CCDC138: variants seen among roughly 807,000 people sequenced by gnomAD.
CCDC138 encodes coiled-coil domain containing 138, also known as coiled-coil domain-containing protein 138.
CCDC138 carries 66 observed loss-of-function variants against 82.3 expected under a neutral mutation model. The observed-to-expected ratio is 0.80, with a 90% CI of 0.66 to 0.98. The LOEUF (loss-of-function observed/expected upper bound fraction) is 0.98, where lower values mean the gene tolerates loss of function less well. CCDC138 is among the 50% of genes least tolerant of loss of function. The pLI is 0.00. For synonymous variants in CCDC138, 297 were observed against 265.4 expected, an observed-to-expected ratio of 1.12 and a Z score of -1.16; for missense variants, 816 against 758.9, an observed-to-expected ratio of 1.08 and a Z score of -0.88.
chr2:108,854,583 T>C lies in CCDC138; in HGVS notation c.1517-2211T>C, dbSNP rs141748025. 1.4e-3 allele frequency among the ~76,000 whole-genome samples: 218 copies of C among 152,306 alleles called. 1 individual carries two copies. The highest frequency in any genetic ancestry group is 6.8e-3 in the Middle Eastern group (2 of 294). On this transcript the variant is annotated intron_variant, in intron 12 of 14. Transcript: ENST00000295124. ...AGGTCTGTTAGACTACATTAGTTGT[T>C]TATTCCTGCTTAATAAACTTCCAGA...
intron 13 of CCDC138, among the ~76,000 whole-genome samples, chr2:108,865,878 G>A (rs1694333725): frequency 6.6e-6 from 1 of 152,144 alleles, no homozygotes; most frequent in Admixed American, 6.5e-5. Flanking sequence ...GAGTTTGTTG[G>A]GTTCTGTCAG....
At chr2:108,868,755 A>C (rs1694800130) in intron 13 of CCDC138, among the ~76,000 whole-genome samples, 1 of 152,166 alleles carries the variant, frequency 6.6e-6, no homozygotes, top group Non-Finnish European at 1.5e-5. Context: ...TTTGACCATG[A>C]CACATAAAAA....
intron 2 of CCDC138, 101 bp from the exon 3 acceptor site, chr2:108,788,751 A>G (rs571519106): frequency 1.6e-4 from 235 of 1,460,180 alleles, no homozygotes; most frequent in Admixed American, 6.3e-4. Flanking sequence ...AATTTGAGAG[A>G]GAAGATTTTA....
intron 13 of CCDC138, among the ~76,000 whole-genome samples, chr2:108,863,685 TATC>T (rs768115434): frequency 6.6e-6 from 1 of 152,250 alleles, no homozygotes; most frequent in Non-Finnish European, 1.5e-5. Context: ...TTGTTATGTT[TATC>T]ATCATTATTT....
chr2:108,859,437 A>G (rs1693196797), intron 13 of CCDC138, among the ~76,000 whole-genome samples: 1 of 151,964 alleles, frequency 6.6e-6, no homozygotes, highest in Non-Finnish European at 1.5e-5. Flanking sequence ...TTTTTATTGC[A>G]TTTGCTTTTG....
At chr2:108,850,001 T>C (rs1252685595) in intron 12 of CCDC138, among the ~76,000 whole-genome samples, 1 of 152,064 alleles carries the variant, frequency 6.6e-6, no homozygotes, top group East Asian at 1.9e-4. Flanking sequence ...TGAATACAAG[T>C]GTAAAAGGGG....
chr2:108,856,957 G>A lies in CCDC138; in HGVS notation c.1680G>A (p.Met560Ile). The change falls in exon 13 of 15, where the codon ATG becomes ATA. Residue 560 changes from methionine to isoleucine, a missense_variant. Physicochemically the swap from Met to Ile is conservative, Grantham distance 10 (BLOSUM62 1). Coordinates refer to ENST00000295124, the MANE Select transcript of CCDC138 (RefSeq NM_144978.3). The stretch of plus-strand genomic sequence containing the variant: ...ATGTTATTGATAGTTTGCTCCAGAT[G>A]ACGGTGGAATCTAGTAAGTTTTTAA... ...LSNVIDSLLQ[M>I]TVESKSLQPF... is the part of the protein sequence containing the mutation. The A allele has an allele frequency of 5.7e-6, 9 of 1,590,364 alleles. No individual in the cohort carries two copies. The highest frequency in any genetic ancestry group is 7.7e-6 in the Non-Finnish European group (9 of 1,167,786).
intron 12 of CCDC138, among the ~76,000 whole-genome samples, chr2:108,847,739 T>C (rs1329063243): frequency 4.6e-5 from 7 of 152,236 alleles, no homozygotes; most frequent in Non-Finnish European, 7.3e-5. Flanking sequence ...TTGTTGTTTT[T>C]ATTAATGGGC....
At position 108,837,282 on chromosome 2, in the gene CCDC138, A is replaced by G. The variant is rs938005074; in HGVS notation, c.1207-1903A>G. Among the ~76,000 whole-genome samples, 8 of 152,142 alleles carry G rather than the reference A, an allele frequency of 5.3e-5. No individual in the cohort carries two copies. The South Asian group carries it at 8.3e-4, about 16-fold the overall frequency. On this transcript the variant is annotated intron_variant, in intron 10 of 14. Transcript: ENST00000295124. ...CTTGTTCAGTGCTTTTTCTTTGTCA[A>G]TTGAAATAATCGTGTGGGTTTTGTC...
chr2:108,796,111 C>T (rs1680827424), intron 5 of CCDC138, among the ~76,000 whole-genome samples: 3 of 152,116 alleles, frequency 2.0e-5, no homozygotes, highest in African/African-American at 4.8e-5. Flanking sequence ...TGCAGTGGCG[C>T]AATCTCGGCT....
chr2:108,791,378 A>C (rs1347521781), intron 3 of CCDC138, among the ~76,000 whole-genome samples: 1 of 152,206 alleles, frequency 6.6e-6, no homozygotes, highest in African/African-American at 2.4e-5. Context: ...TATAGATAAC[A>C]GATTATTGGG....
At chr2:108,882,520 T>C (rs1696321080) in intron 1 of CCDC138, 1 of 152,240 alleles carries the variant, frequency 6.6e-6, no homozygotes, top group Admixed American at 6.5e-5. Context: ...AGGGCGTTAC[T>C]TGGCAAAGCA....
intron 9 of CCDC138, among the ~76,000 whole-genome samples, chr2:108,814,165 G>A (rs1393441220): frequency 6.6e-6 from 1 of 152,166 alleles, no homozygotes; most frequent in African/African-American, 2.4e-5. Flanking sequence ...TTAAGAAACT[G>A]ACAGTTTTCC....
chr2:108,814,624 G>C (rs890529660), intron 9 of CCDC138, among the ~76,000 whole-genome samples: 15 of 149,696 alleles, frequency 1.0e-4, no homozygotes, highest in African/African-American at 3.7e-4. Flanking sequence ...ATATTTCTCT[G>C]TCTTTGAATT....
At chr2:108,812,584 C>T in intron 7 of CCDC138, 47 bp from the exon 8 acceptor site, 2 of 1,388,920 alleles carry the variant, frequency 1.4e-6, no homozygotes, top group Non-Finnish European at 2.0e-6. Context: ...TAGTATGAAA[C>T]CAGTTGAAGG....
At chr2:108,833,751 G>A (rs1178655369) in intron 10 of CCDC138, among the ~76,000 whole-genome samples, 3 of 148,034 alleles carry the variant, frequency 2.0e-5, no homozygotes, top group African/African-American at 2.5e-5. Context: ...TTTTTGAGAC[G>A]GAGTCTTGCT....
chr2:108,809,412 A>G (rs928790199), intron 7 of CCDC138, among the ~76,000 whole-genome samples: 1 of 150,764 alleles, frequency 6.6e-6, no homozygotes, highest in African/African-American at 2.4e-5. Context: ...GGTTATTTTG[A>G]CAGTATTAAT....
At chr2:108,878,965 T>C (rs1425352112), downstream of CCDC138, among the ~76,000 whole-genome samples, 1 of 152,158 alleles carries the variant, frequency 6.6e-6, no homozygotes, top group Admixed American at 6.5e-5. Flanking sequence ...AAAAATAGAA[T>C]GACAGGAATG....
intron 6 of CCDC138, among the ~76,000 whole-genome samples, chr2:108,800,396 C>G (rs188353804): frequency 9.9e-4 from 150 of 152,060 alleles, no homozygotes; most frequent in African/African-American, 3.4e-3. Context: ...TCCTGAGTAG[C>G]TGGGAATACA....
Sources: allele counts gnomAD v4.1 joint callset (sites outside exome capture counted in the v4.1 genomes callset), GRCh38; gene constraint gnomAD v4.1.1; transcripts MANE v1.5; gene names NCBI Gene and HGNC (gene_info 2026-07-23, HGNC 2026-07-21).